The following DIXDC1 variants were observed in gnomAD, a reference collection of about 807,000 sequenced individuals.
The protein encoded by DIXDC1 is dixin.
In DIXDC1, 64 loss-of-function variants were observed where a neutral mutation model predicts 103.1. The observed-to-expected ratio is 0.62, with a 90% confidence interval of 0.51 to 0.76. DIXDC1 has a LOEUF of 0.76. Ranked by LOEUF, DIXDC1 falls within the 30% of genes least tolerant of loss-of-function variation. The pLI is 0.00. For missense variants in DIXDC1, 759 were observed against 834.2 expected, an observed-to-expected ratio of 0.91 and a Z score of 1.11; for synonymous variants, 266 against 298.5, an observed-to-expected ratio of 0.89 and a Z score of 1.12.
chr11:111,953,634 A>G (rs1479797927), intron 1 of DIXDC1, among the ~76,000 whole-genome samples: 2 of 152,118 alleles, frequency 1.3e-5, no homozygotes, highest in Non-Finnish European at 2.9e-5. Context: ...GATACTCCAT[A>G]TCAATCAATC....
At position 111,977,157 on chromosome 11, in the gene DIXDC1, C is replaced by CCCCA; in HGVS notation, c.656+2174_656+2175insCCCA. The CCCCA allele has an allele frequency of 3.1e-6, 2 of 654,290 alleles. No individual in the cohort carries two copies. The highest frequency in any genetic ancestry group is 2.0e-5 in the African/African-American group (1 of 50,928). The allele number at this position is 654,290 out of a possible 1,614,324, so 40.5% of individuals were successfully genotyped here. ...AACCCCTCGTCGACGTCCCCACCCCCACCTCCACCCCGCCCAGCCCCGCCC... is the reference window on the plus strand; with the variant it reads ...AACCCCTCGTCGACGTCCCCACCCCCCCCAACCTCCACCCCGCCCAGCCCCGCCC... On this transcript the variant is annotated intron_variant, in intron 5 of 19. Transcript: ENST00000440460. The surrounding 1 kb of genome is among the most constrained non-coding windows in gnomAD (Gnocchi z 6.1).
chr11:111,938,455 T>A (rs1289573318), intron 1 of DIXDC1, among the ~76,000 whole-genome samples: 1 of 152,170 alleles, frequency 6.6e-6, no homozygotes, highest in South Asian at 2.1e-4. Flanking sequence ...TCCTTCCATC[T>A]CTCTCTTTCT....
At chr11:111,936,881 T>TGTGTGTG, upstream of DIXDC1, among the ~76,000 whole-genome samples, 1 of 145,006 alleles carries the variant, frequency 6.9e-6, no homozygotes, top group African/African-American at 2.7e-5. Context: ...TGTGTGTGTG[T>TGTGTGTG]TGCGCACCCT....
chr11:112,019,998 T>G lies in DIXDC1; in HGVS notation c.*962T>G, dbSNP rs782487432. The G allele has an allele frequency of 5.3e-5, 8 of 152,250 alleles. No individual in the cohort carries two copies. The highest frequency in any genetic ancestry group is 7.2e-5 in the African/African-American group (3 of 41,460). 9.4% of individuals were successfully genotyped at this position (152,250 alleles called of 1,614,324 possible). On this transcript the variant is annotated 3_prime_UTR_variant, in exon 20 of 20. Coordinates refer to ENST00000440460, the MANE Select transcript of DIXDC1 (RefSeq NM_001037954.4). ...TTTATAAGTACTGAGCATGAAGTAC[T>G]TGTCTGCCCCTCATTTCAAGGCCAG...
Position 112,019,133 on chromosome 11 carries a change from T to A in DIXDC1, c.*97T>A. The A allele has an allele frequency of 9.5e-7, 1 of 1,049,470 alleles. No individual in the cohort carries two copies. Among genetic ancestry groups the A allele is most frequent in the Non-Finnish European group, 1.4e-6 (1 of 708,052 alleles). The allele number at this position is 1,049,470 out of a possible 1,614,324, so 65.0% of individuals were successfully genotyped here. A position where few individuals can be genotyped will look rare whatever the true frequency, so the allele number is the denominator to read the frequency against. The stretch of plus-strand genomic sequence containing the variant: ...AAACCAGAATACACTAAGAAGTTTC[T>A]AGTTTGTGTGCCAAAACAGAAGCTT... On this transcript the variant is annotated 3_prime_UTR_variant, in exon 20 of 20. Coordinates refer to ENST00000440460, the MANE Select transcript of DIXDC1 (RefSeq NM_001037954.4).
chr11:111,953,488 A>G (rs1230567568), intron 1 of DIXDC1, among the ~76,000 whole-genome samples: 1 of 152,050 alleles, frequency 6.6e-6, no homozygotes, highest in Non-Finnish European at 1.5e-5. Flanking sequence ...AATATAAAAA[A>G]TTAGCCAGGC....
At chr11:111,989,921 T>G (rs1425904186) in intron 10 of DIXDC1, among the ~76,000 whole-genome samples, 6 of 149,912 alleles carry the variant, frequency 4.0e-5, no homozygotes, top group Non-Finnish European at 7.4e-5. Context: ...CCCAAGTAGC[T>G]GGGTCTACAG....
chr11:111,971,446 C>T (rs1859922477), intron 3 of DIXDC1, among the ~76,000 whole-genome samples: 1 of 152,020 alleles, frequency 6.6e-6, no homozygotes, highest in Admixed American at 6.5e-5. Context: ...GTTAAAAAGT[C>T]AAAAAATAAC....
chr11:111,929,764 A>G (rs201430840), intron 1 of DIXDC1: 1 of 1,112,252 alleles, frequency 9.0e-7, no homozygotes, highest in Non-Finnish European at 1.2e-6. Flanking sequence ...TGAGCTTTAA[A>G]TTTTTTTTTT....
At chr11:111,961,767 T>A (rs587692690) in intron 1 of DIXDC1, among the ~76,000 whole-genome samples, 1 of 152,368 alleles carries the variant, frequency 6.6e-6, no homozygotes, top group Admixed American at 6.5e-5. Context: ...TCTTAGTTAT[T>A]GGCCTGATAA....
chr11:111,989,050 A>T lies in DIXDC1; in HGVS notation c.1108A>T (p.Ile370Leu), dbSNP rs373126732. The stretch of plus-strand genomic sequence containing the variant: ...ACAAGAAGCCAGAAACTTACAGGGG[A>T]TAAAGGTAAAAAAGAAGACATTTAA... ...CKQEARNLQG[I>L]KDALQQRLTQ... Residue 370 changes from isoleucine (I) to leucine (L), a missense_variant, in exon 10 of 20, where the codon ATA (isoleucine) becomes TTA (leucine). Transcript: ENST00000440460. The T allele has an allele frequency of 5.8e-4, 934 of 1,606,910 alleles. No homozygotes were observed. Among genetic ancestry groups the T allele is most frequent in the Non-Finnish European group, 7.3e-4 (861 of 1,177,610 alleles).
At chr11:112,015,663 G>C (rs1032143363) in intron 17 of DIXDC1, 2 of 151,910 alleles carry the variant, frequency 1.3e-5, no homozygotes, top group East Asian at 3.9e-4. Flanking sequence ...TTAGCTGGGC[G>C]TGGTGGCACA....
In DIXDC1 at chr11:111,977,295, T is replaced by G; in HGVS notation, c.656+2312T>G. The G allele has an allele frequency of 7.0e-6, 7 of 1,001,274 alleles. No homozygotes were observed. The highest frequency in any genetic ancestry group is 8.4e-6 in the Non-Finnish European group (7 of 834,132). The allele number at this position is 1,001,274 out of a possible 1,614,324, so 62.0% of individuals were successfully genotyped here. A position where few individuals can be genotyped will look rare whatever the true frequency, so the allele number is the denominator to read the frequency against. ...GACAGCCCAGGGAGGGAGCAGAGGG[T>G]GGGGCGGGGAGGGATCCGGAAGGTG... On this transcript the variant is annotated intron_variant, in intron 5 of 19. Coordinates refer to ENST00000440460, the MANE Select transcript of DIXDC1 (RefSeq NM_001037954.4). The surrounding 1 kb of genome is among the most constrained non-coding windows in gnomAD (Gnocchi z 6.1).
chr11:112,007,182 C>T (rs587634171), intron 17 of DIXDC1, among the ~76,000 whole-genome samples: 7 of 152,076 alleles, frequency 4.6e-5, no homozygotes, highest in African/African-American at 1.4e-4. Context: ...ATAGCCAATG[C>T]GATCAAGTGG....
chr11:111,938,243 C>T (rs1966287861), intron 1 of DIXDC1, among the ~76,000 whole-genome samples: 1 of 152,186 alleles, frequency 6.6e-6, no homozygotes, highest in Non-Finnish European at 1.5e-5. Context: ...TTCCTCCCCA[C>T]TTGTTTCTCT....
chr11:111,933,975 A>T (rs982158479), upstream of DIXDC1, among the ~76,000 whole-genome samples: 2 of 152,230 alleles, frequency 1.3e-5, no homozygotes, highest in East Asian at 1.9e-4. Flanking sequence ...AGACGTGATT[A>T]ATGTTTCTCC....
chr11:111,928,723 C>T lies in DIXDC1; in HGVS notation c.-36-1095C>T, dbSNP rs587743358. Among the ~76,000 whole-genome samples the T allele has an allele frequency of 2.2e-4, 34 of 151,602 alleles. 1 individual carries two copies. In the South Asian group the frequency reaches 5.2e-3, roughly 23 times the overall value. On this transcript the variant is annotated intron_variant, in intron 1 of 5. Transcript: ENST00000529225. ...GCTGCGGTGAGCTGAGATTGCGCCACTGCACTCCAGCCTGGGCAGCAAAGC... is the reference window on the plus strand; with the variant it reads ...GCTGCGGTGAGCTGAGATTGCGCCATTGCACTCCAGCCTGGGCAGCAAAGC...
chr11:111,953,325 A>G (rs1167615211), intron 1 of DIXDC1, among the ~76,000 whole-genome samples: 1 of 152,062 alleles, frequency 6.6e-6, no homozygotes, highest in African/African-American at 2.4e-5. Context: ...TTTTTCATCT[A>G]TCCAAAAAAT....
Position 111,995,004 on chromosome 11 carries a change from T to G in DIXDC1, c.1438-15T>G. The G allele has an allele frequency of 6.2e-7, 1 of 1,608,404 alleles. No homozygotes were observed. Among genetic ancestry groups the G allele is most frequent in the Non-Finnish European group, 8.5e-7 (1 of 1,177,996 alleles). ...TTCTCCCTTTAACAAGCAACATTTC[T>G]TCATGCTGCTGTAGGCGACCAACTA... On this transcript the variant is annotated splice_polypyrimidine_tract_variant and intron_variant, in intron 14 of 19. Coordinates refer to ENST00000440460, the MANE Select transcript of DIXDC1 (RefSeq NM_001037954.4).
Sources: allele counts gnomAD v4.1 joint callset (sites outside exome capture counted in the v4.1 genomes callset), GRCh38; gene constraint gnomAD v4.1.1; non-coding constraint Gnocchi (gnomAD v3.1); transcripts MANE v1.5; gene names NCBI Gene and HGNC (gene_info 2026-07-23, HGNC 2026-07-21).